PLCL2: variants seen among roughly 807,000 people sequenced by gnomAD.
The protein encoded by PLCL2 is inactive phospholipase C-like protein 2.
Under a neutral mutation model 79.6 loss-of-function variants are expected in PLCL2, and 4 were observed. The observed-to-expected ratio is 0.05, with a 90% CI of 0.02 to 0.11. The LOEUF (loss-of-function observed/expected upper bound fraction) is 0.11. Ranked by LOEUF, PLCL2 falls within the 10% of genes least tolerant of loss-of-function variation. The pLI, the probability that PLCL2 is intolerant of heterozygous loss-of-function variation, is 1.00. For synonymous variants in PLCL2, 484 were observed against 457.7 expected, an observed-to-expected ratio of 1.06 and a Z score of -0.73; for missense variants, 895 against 1,291.0, an observed-to-expected ratio of 0.69 and a Z score of 4.70.
Position 16,997,807 on chromosome 3 carries a change from G to A in PLCL2, c.328-11867G>A, listed in dbSNP as rs145144342. ...CCTGCCTCGGCCTCCCAAAGTGCTG[G>A]GATTACAGGCATGAGCCACTGTGTC... On this transcript the variant is annotated intron_variant, in intron 1 of 5. Coordinates refer to ENST00000615277, the MANE Select transcript of PLCL2 (RefSeq NM_001144382.2). Among the ~76,000 whole-genome samples the A allele has an allele frequency of 3.4e-4, 51 of 151,908 alleles. 2 individuals carry two copies. The East Asian group carries it at 9.7e-3, about 29-fold the overall frequency.
At chr3:16,967,773 C>T (rs2063821634) in intron 1 of PLCL2, among the ~76,000 whole-genome samples, 1 of 152,016 alleles carries the variant, frequency 6.6e-6, no homozygotes, top group Non-Finnish European at 1.5e-5. Context: ...TTAATTAAGT[C>T]CCATTTGTCA....
chr3:16,953,500 C>A (rs1410885778), intron 1 of PLCL2, among the ~76,000 whole-genome samples: 2 of 152,062 alleles, frequency 1.3e-5, no homozygotes, highest in Non-Finnish European at 2.9e-5. Flanking sequence ...AGGATCACTG[C>A]CCTTGAAGAG....
chr3:16,952,617 G>T (rs985579198), intron 1 of PLCL2, among the ~76,000 whole-genome samples: 2 of 151,792 alleles, frequency 1.3e-5, no homozygotes, highest in African/African-American at 2.4e-5. Context: ...AATAAAGCAG[G>T]ATACAAATTT....
At chr3:17,064,065 G>A (rs546948038) in intron 4 of PLCL2, among the ~76,000 whole-genome samples, 19 of 152,274 alleles carry the variant, frequency 1.2e-4, no homozygotes, top group African/African-American at 2.6e-4. Context: ...GGACTTTTTC[G>A]TTGGGCTAAT....
intron 5 of PLCL2, chr3:17,081,112 T>C (rs2065158269): frequency 4.4e-6 from 2 of 453,894 alleles, no homozygotes; most frequent in Admixed American, 2.4e-5. Flanking sequence ...TTCCCTTGCA[T>C]CCCCTCTTTG....
intron 5 of PLCL2, among the ~76,000 whole-genome samples, chr3:17,087,154 G>T (rs2065229223): frequency 6.6e-6 from 1 of 152,060 alleles, no homozygotes; most frequent in South Asian, 2.1e-4. Context: ...CATACCCCTT[G>T]GAATGTACCT....
intron 5 of PLCL2, among the ~76,000 whole-genome samples, chr3:17,084,515 T>C (rs2065196270): frequency 6.6e-6 from 1 of 152,140 alleles, no homozygotes; most frequent in South Asian, 2.1e-4. Context: ...TCAACACAGA[T>C]GCAAAAATCC....
At chr3:16,930,384 C>A (rs17042882) in intron 1 of PLCL2, among the ~76,000 whole-genome samples, 2,318 of 152,206 alleles carry the variant, frequency 0.015, 24 homozygotes, top group Non-Finnish European at 0.027. Flanking sequence ...AGGGAAGAAC[C>A]AGTATTGGGA....
chr3:17,045,763 TG>T (rs1308709562), intron 4 of PLCL2, among the ~76,000 whole-genome samples: 1 of 152,130 alleles, frequency 6.6e-6, no homozygotes. Context: ...ATGAAGGATG[TG>T]AGGTCAGGAA....
intron 3 of PLCL2, among the ~76,000 whole-genome samples, chr3:17,026,375 TG>T (rs1217036138): frequency 6.6e-6 from 1 of 152,220 alleles, no homozygotes; most frequent in Non-Finnish European, 1.5e-5. Flanking sequence ...ATTAGTCAGA[TG>T]TTTAGGGCTA....
intron 4 of PLCL2, among the ~76,000 whole-genome samples, chr3:17,051,793 T>C (rs531584071): frequency 2.0e-5 from 3 of 152,196 alleles, no homozygotes; most frequent in Non-Finnish European, 4.4e-5. Context: ...AGTTTCATGA[T>C]GCTTTGTTCC....
intron 1 of PLCL2, among the ~76,000 whole-genome samples, chr3:16,940,632 A>G (rs1475517681): frequency 6.6e-6 from 1 of 152,136 alleles, no homozygotes; most frequent in Non-Finnish European, 1.5e-5. Context: ...TAAACCTAAA[A>G]TAAGAGTTGG....
intron 1 of PLCL2, among the ~76,000 whole-genome samples, chr3:16,947,221 A>G (rs1380411392): frequency 6.6e-6 from 1 of 151,874 alleles, no homozygotes; most frequent in East Asian, 1.9e-4. Context: ...AAGTGCTGGG[A>G]TTATAGGCGC....
chr3:16,925,647 G>T (rs1697229337), intron 1 of PLCL2, among the ~76,000 whole-genome samples: 3 of 152,178 alleles, frequency 2.0e-5, no homozygotes, highest in Admixed American at 1.3e-4. Flanking sequence ...TTTCCAACTG[G>T]CTTCTTTCAC....
At chr3:16,918,160 G>C (rs983545) in intron 1 of PLCL2, among the ~76,000 whole-genome samples, 41 of 152,048 alleles carry the variant, frequency 2.7e-4, no homozygotes, top group Middle Eastern at 3.4e-3. Context: ...AAGTAAGGCT[G>C]TAAGATTGTG....
chr3:17,057,943 G>A (rs548157596), intron 4 of PLCL2, among the ~76,000 whole-genome samples: 2 of 152,314 alleles, frequency 1.3e-5, no homozygotes, highest in East Asian at 1.9e-4. Context: ...ACAGAAAAAC[G>A]GGATATGGAC....
At chr3:17,069,852 C>T (rs928489514) in intron 5 of PLCL2, among the ~76,000 whole-genome samples, 3 of 152,118 alleles carry the variant, frequency 2.0e-5, no homozygotes, top group Non-Finnish European at 4.4e-5. Context: ...TTCTTATATA[C>T]CTATTTTGCT....
intron 1 of PLCL2, among the ~76,000 whole-genome samples, chr3:16,943,820 A>T (rs984455434): frequency 6.6e-6 from 1 of 152,204 alleles, no homozygotes; most frequent in African/African-American, 2.4e-5. Context: ...TTTTAGCATT[A>T]TAAAATAATT....
At chr3:16,906,576 G>C (rs1696757504) in intron 1 of PLCL2, among the ~76,000 whole-genome samples, 1 of 152,080 alleles carries the variant, frequency 6.6e-6, no homozygotes, top group Non-Finnish European at 1.5e-5. Context: ...ATATTCTACA[G>C]AGTTTGAAAA....
Sources: allele counts gnomAD v4.1 joint callset (sites outside exome capture counted in the v4.1 genomes callset), GRCh38; gene constraint gnomAD v4.1.1; transcripts MANE v1.5; gene names NCBI Gene and HGNC (gene_info 2026-07-23, HGNC 2026-07-21).